The following PRELID2 variants were observed in gnomAD, a reference collection of about 807,000 sequenced individuals.
PRELID2 encodes PRELI domain-containing protein 2.
PRELID2 carries 25 observed loss-of-function variants against 28.4 expected under a neutral mutation model. The observed-to-expected ratio is 0.88, with a 90% CI of 0.64 to 1.23. The LOEUF (loss-of-function observed/expected upper bound fraction) is 1.23, where lower values mean the gene tolerates loss of function less well. PRELID2 is among the 50% of genes most tolerant of loss of function. The probability of loss-of-function intolerance (pLI) is 0.00; values close to 1 mark genes in which losing one functional copy is unlikely to be tolerated. For synonymous variants in PRELID2, 76 were observed against 71.6 expected, an observed-to-expected ratio of 1.06 and a Z score of -0.31; for missense variants, 201 against 214.4, an observed-to-expected ratio of 0.94 and a Z score of 0.39.
the PRELID2 span, among the ~76,000 whole-genome samples, chr5:145,307,058 C>T: frequency 6.6e-6 from 1 of 152,120 alleles, no homozygotes; most frequent in Non-Finnish European, 1.5e-5. Flanking sequence ...CACAATGGAC[C>T]TGGTCAAAAA....
intron 1 of PRELID2, among the ~76,000 whole-genome samples, chr5:145,497,992 C>T (rs927352216): frequency 6.6e-6 from 1 of 152,196 alleles, no homozygotes; most frequent in African/African-American, 2.4e-5. Flanking sequence ...CACTAATACT[C>T]TCAATCCACT....
chr5:145,485,258 T>A (rs1752206227), intron 1 of PRELID2, among the ~76,000 whole-genome samples: 1 of 152,144 alleles, frequency 6.6e-6, no homozygotes, highest in Admixed American at 6.5e-5. Context: ...CACAGGACAA[T>A]CTGAGGACAG....
chr5:145,796,395 T>C (rs1752750407), intron 5 of PRELID2, 47 bp downstream of exon 5: 1 of 1,272,276 alleles, frequency 7.9e-7, no homozygotes, highest in Non-Finnish European at 1.1e-6. Flanking sequence ...TTGGAACTCC[T>C]ATTGTTTTTT....
chr5:145,490,218 C>T (rs576565716), intron 1 of PRELID2, among the ~76,000 whole-genome samples: 40 of 152,272 alleles, frequency 2.6e-4, no homozygotes, highest in African/African-American at 9.4e-4. Flanking sequence ...TCTTTGTGCG[C>T]TTATCTAGAC....
chr5:145,508,841 C>T (rs1367071279), intron 1 of PRELID2, among the ~76,000 whole-genome samples: 3 of 152,176 alleles, frequency 2.0e-5, no homozygotes, highest in African/African-American at 7.2e-5. Context: ...AAATAACCGG[C>T]CTGGCATAAC....
chr5:145,406,062 A>T, the PRELID2 span, among the ~76,000 whole-genome samples: 3 of 152,074 alleles, frequency 2.0e-5, no homozygotes, highest in South Asian at 6.2e-4. Context: ...GATCACAAGA[A>T]CAACACCATG....
chr5:145,298,054 T>C, the PRELID2 span, among the ~76,000 whole-genome samples: 28 of 152,026 alleles, frequency 1.8e-4, no homozygotes, highest in Admixed American at 1.8e-3. Flanking sequence ...CCAAGGTAAT[T>C]TATAGATTCA....
At chr5:145,287,481 C>A in the PRELID2 span, among the ~76,000 whole-genome samples, 2 of 152,076 alleles carry the variant, frequency 1.3e-5, no homozygotes, top group Admixed American at 6.6e-5. Flanking sequence ...TTTTATCACA[C>A]TACACAGAAT....
chr5:145,357,246 G>A, the PRELID2 span, among the ~76,000 whole-genome samples: 1 of 152,116 alleles, frequency 6.6e-6, no homozygotes, highest in Non-Finnish European at 1.5e-5. Flanking sequence ...GTATCTCACA[G>A]AGGTTCTCTG....
At chr5:145,483,584 A>T (rs1024057822) in intron 1 of PRELID2, among the ~76,000 whole-genome samples, 1 of 152,238 alleles carries the variant, frequency 6.6e-6, no homozygotes, top group East Asian at 1.9e-4. Flanking sequence ...TGTGGTAATA[A>T]CTGAGGCATA....
At chr5:145,817,866 C>A in intron 4 of PRELID2, 28 bp downstream of exon 4, 1 of 1,471,630 alleles carries the variant, frequency 6.8e-7, no homozygotes, top group Non-Finnish European at 9.0e-7. Flanking sequence ...GCAACCAAAA[C>A]ACACACACAT....
chr5:145,752,063 A>G (rs531531709), downstream of PRELID2, among the ~76,000 whole-genome samples: 7 of 152,308 alleles, frequency 4.6e-5, no homozygotes, highest in East Asian at 1.4e-3. Context: ...CTAAGAGAAC[A>G]AATACCCTGT....
chr5:145,489,432 A>C (rs1037874617), intron 1 of PRELID2, among the ~76,000 whole-genome samples: 1 of 152,168 alleles, frequency 6.6e-6, no homozygotes, highest in Non-Finnish European at 1.5e-5. Context: ...GATCTTATGT[A>C]AGATTCCTGA....
the PRELID2 span, among the ~76,000 whole-genome samples, chr5:145,294,121 T>C: frequency 6.6e-6 from 1 of 152,166 alleles, no homozygotes; most frequent in Non-Finnish European, 1.5e-5. Flanking sequence ...TTATGCACAT[T>C]ATGCTTCAAA....
the PRELID2 span, among the ~76,000 whole-genome samples, chr5:145,386,071 G>A: frequency 6.6e-6 from 1 of 152,100 alleles, no homozygotes; most frequent in Non-Finnish European, 1.5e-5. Context: ...ATAAAGGAAA[G>A]AGGTTTAATT....
chr5:145,813,275 A>G (rs1360502152), intron 4 of PRELID2, among the ~76,000 whole-genome samples: 3 of 152,216 alleles, frequency 2.0e-5, no homozygotes, highest in Non-Finnish European at 2.9e-5. Context: ...GGAAGAAATT[A>G]AAGTAATAAT....
At chr5:145,692,300 G>C (rs1581063250) in intron 1 of PRELID2, among the ~76,000 whole-genome samples, 4 of 152,214 alleles carry the variant, frequency 2.6e-5, no homozygotes, top group Middle Eastern at 6.8e-3. Context: ...CAGTCGATGG[G>C]ACAGGAAAGG....
chr5:145,820,043 A>G, intron 2 of PRELID2, 25 bp from the exon 3 acceptor site: 1 of 1,318,242 alleles, frequency 7.6e-7, no homozygotes, highest in East Asian at 2.3e-5. Context: ...TTTTTACACA[A>G]AAAAAAATTA....
chr5:145,507,750 T>C (rs1256266869), intron 1 of PRELID2, among the ~76,000 whole-genome samples: 5 of 152,170 alleles, frequency 3.3e-5, no homozygotes, highest in Non-Finnish European at 5.9e-5. Context: ...CTAAATGATA[T>C]GGCCACACCT....
Sources: gnomAD v4.1 joint callset for allele counts (sites outside exome capture counted in the v4.1 genomes callset) on GRCh38, gnomAD v4.1.1 for gene constraint, MANE v1.5 for transcripts, NCBI Gene and HGNC (gene_info 2026-07-23, HGNC 2026-07-21) for gene names.